EBF1: variants seen among roughly 807,000 people sequenced by gnomAD.
EBF1 encodes the protein transcription factor COE1.
A neutral mutation model predicts 68.4 loss-of-function variants in EBF1; 10 were observed. The observed-to-expected ratio is 0.15, with a 90% CI of 0.09 to 0.25. EBF1 has a LOEUF of 0.25. Among genes scored for constraint, EBF1 ranks in the 10% least tolerant of loss-of-function variants. The pLI, the probability that EBF1 is intolerant of heterozygous loss-of-function variation, is 1.00. For missense variants in EBF1, 509 were observed against 794.4 expected (o/e 0.64, Z 4.32); for synonymous variants, 298 against 299.8 (o/e 0.99, Z 0.06).
chr5:159,009,621 CA>C (rs1206293892), intron 6 of EBF1, among the ~76,000 whole-genome samples: 2 of 151,212 alleles, frequency 1.3e-5, no homozygotes, highest in African/African-American at 2.4e-5. Context: ...AAAAAACAAG[CA>C]AAAAAAATTA....
chr5:158,942,952 T>G (rs1411500843), intron 6 of EBF1, among the ~76,000 whole-genome samples: 1 of 41,844 alleles, frequency 2.4e-5, no homozygotes. Context: ...GAAAAGATAG[T>G]AGAAGAGGGA....
At chr5:158,943,376 G>A (rs1813910505) in intron 6 of EBF1, among the ~76,000 whole-genome samples, 1 of 151,996 alleles carries the variant, frequency 6.6e-6, no homozygotes, top group Non-Finnish European at 1.5e-5. Flanking sequence ...GAGGCACTGT[G>A]CCAGGCTCTG....
intron 6 of EBF1, among the ~76,000 whole-genome samples, chr5:158,917,014 G>A (rs1006770932): frequency 1.3e-5 from 2 of 152,122 alleles, no homozygotes; most frequent in Non-Finnish European, 2.9e-5. Flanking sequence ...AATATACCAA[G>A]GACAGGGTAA....
At chr5:158,925,916 A>T (rs920132953) in intron 6 of EBF1, among the ~76,000 whole-genome samples, 1 of 152,202 alleles carries the variant, frequency 6.6e-6, no homozygotes, top group South Asian at 2.1e-4. Context: ...AACAGTCCAC[A>T]ATATTATTCC....
chr5:158,712,027 GA>G, intron 14 of EBF1, 126 bp downstream of exon 14: 1 of 1,114,260 alleles, frequency 9.0e-7, no homozygotes, highest in South Asian at 1.5e-5. Context: ...TCACCCAGGG[GA>G]GTGCCTTACA....
At chr5:158,723,127 A>C (rs1181636096) in intron 11 of EBF1, among the ~76,000 whole-genome samples, 2 of 152,188 alleles carry the variant, frequency 1.3e-5, no homozygotes, top group South Asian at 4.1e-4. Context: ...GAGGGAAAGC[A>C]TGGTACCCAG....
chr5:159,031,947 C>A (rs534554128), intron 6 of EBF1, among the ~76,000 whole-genome samples: 1 of 152,134 alleles, frequency 6.6e-6, no homozygotes, highest in East Asian at 1.9e-4. Context: ...ACACTCCTCC[C>A]GTCTTCGAAG....
chr5:158,945,309 C>T (rs550629948), intron 6 of EBF1, among the ~76,000 whole-genome samples: 18 of 152,268 alleles, frequency 1.2e-4, no homozygotes, highest in African/African-American at 3.4e-4. Context: ...GTTTTCCCAA[C>T]GCCATTTATT....
chr5:158,735,068 C>G (rs1191552413), intron 10 of EBF1, among the ~76,000 whole-genome samples: 1 of 152,136 alleles, frequency 6.6e-6, no homozygotes, highest in African/African-American at 2.4e-5. Context: ...TTAGTGCTTA[C>G]CATATGCTCA....
intron 10 of EBF1, among the ~76,000 whole-genome samples, chr5:158,755,387 G>T (rs1200318675): frequency 1.3e-5 from 2 of 151,982 alleles, no homozygotes; most frequent in African/African-American, 4.8e-5. Flanking sequence ...AGAGCATTTT[G>T]TCACTTTGAT....
chr5:158,732,470 A>G (rs1764298692), intron 10 of EBF1, among the ~76,000 whole-genome samples: 1 of 152,216 alleles, frequency 6.6e-6, no homozygotes, highest in South Asian at 2.1e-4. Flanking sequence ...AATTTAGTAC[A>G]TAATTATACC....
intron 10 of EBF1, among the ~76,000 whole-genome samples, chr5:158,766,572 A>C (rs1215746555): frequency 1.3e-5 from 2 of 152,180 alleles, no homozygotes; most frequent in Non-Finnish European, 2.9e-5. Context: ...GGAAGCCCTA[A>C]ACTTCACTAG....
At chr5:158,779,697 A>T (rs1167873326) in intron 9 of EBF1, among the ~76,000 whole-genome samples, 1 of 152,208 alleles carries the variant, frequency 6.6e-6, no homozygotes, top group Non-Finnish European at 1.5e-5. Context: ...ATTTTAAAAG[A>T]TGGAAAGATA....
At chr5:159,031,906 C>T (rs552288085) in intron 6 of EBF1, among the ~76,000 whole-genome samples, 2 of 149,548 alleles carry the variant, frequency 1.3e-5, no homozygotes, top group South Asian at 4.2e-4. Context: ...CAAAACCCGC[C>T]ATCTTTTGTG....
intron 6 of EBF1, among the ~76,000 whole-genome samples, chr5:158,981,288 A>G (rs1032696185): frequency 4.6e-5 from 7 of 152,214 alleles, no homozygotes; most frequent in African/African-American, 1.4e-4. Context: ...TTAGAAAAAT[A>G]GAAGGTTGTT....
At chr5:158,857,143 C>T (rs1156329723) in intron 6 of EBF1, among the ~76,000 whole-genome samples, 1 of 151,906 alleles carries the variant, frequency 6.6e-6, no homozygotes, top group Non-Finnish European at 1.5e-5. Context: ...AGATCTAACC[C>T]TGTTAGATCC....
chr5:158,832,017 G>A (rs570653016), intron 7 of EBF1, among the ~76,000 whole-genome samples: 125 of 152,300 alleles, frequency 8.2e-4, no homozygotes, highest in Admixed American at 8.5e-4. Context: ...CACTTAGTAT[G>A]TTGTCTGACA....
intron 6 of EBF1, among the ~76,000 whole-genome samples, chr5:158,966,397 G>C (rs1158190790): frequency 6.6e-6 from 1 of 152,050 alleles, no homozygotes; most frequent in Non-Finnish European, 1.5e-5. Context: ...TTCACATAGG[G>C]TTATAAAAAG....
intron 6 of EBF1, among the ~76,000 whole-genome samples, chr5:159,004,148 G>A (rs1763095083): frequency 1.3e-5 from 2 of 151,946 alleles, no homozygotes; most frequent in African/African-American, 4.8e-5. Flanking sequence ...ATGGTGGCAG[G>A]TGCCTGTAAT....
Sources: gnomAD v4.1 joint callset for allele counts (sites outside exome capture counted in the v4.1 genomes callset) on GRCh38, gnomAD v4.1.1 for gene constraint, MANE v1.5 for transcripts, NCBI Gene and HGNC (gene_info 2026-07-23, HGNC 2026-07-21) for gene names.